WDPCP: variants seen among roughly 807,000 people sequenced by gnomAD.
WDPCP encodes the protein WD repeat-containing and planar cell polarity effector protein fritz homolog.
Under a neutral mutation model 93.1 loss-of-function variants are expected in WDPCP, and 71 were observed. The observed-to-expected ratio is 0.76, with a 90% CI of 0.63 to 0.93. The LOEUF (loss-of-function observed/expected upper bound fraction) is 0.93. Ranked by LOEUF, WDPCP falls within the 40% of genes least tolerant of loss-of-function variation. WDPCP has a pLI of 0.00. For synonymous variants in WDPCP, 315 were observed against 315.0 expected (o/e 1.00, Z 0.00); for missense variants, 844 against 887.4 (o/e 0.95, Z 0.62).
At chr2:63,200,647 AGAACCCAGAG>A (rs2104326216) in intron 14 of WDPCP, among the ~76,000 whole-genome samples, 1 of 152,300 alleles carries the variant, frequency 6.6e-6, no homozygotes, top group South Asian at 2.1e-4. Context: ...CAGAGAGAAT[AGAACCCAGAG>A]GAACCCAGAG....
intron 14 of WDPCP, among the ~76,000 whole-genome samples, chr2:63,258,294 A>C (rs1305092210): frequency 6.6e-6 from 1 of 152,166 alleles, no homozygotes; most frequent in East Asian, 1.9e-4. Flanking sequence ...ATCAATCTGG[A>C]ACTCTTTCAG....
chr2:63,675,595 TA>T (rs577443007), intron 2 of WDPCP, among the ~76,000 whole-genome samples: 14 of 152,204 alleles, frequency 9.2e-5, no homozygotes, highest in Non-Finnish European at 2.1e-4. Flanking sequence ...CAGTTTTATA[TA>T]AATTATGCTT....
intron 14 of WDPCP, among the ~76,000 whole-genome samples, chr2:63,255,427 G>A (rs1681054236): frequency 6.6e-6 from 1 of 152,184 alleles, no homozygotes; most frequent in Non-Finnish European, 1.5e-5. Flanking sequence ...CCTCATGGGA[G>A]GTGTTTGGGT....
chr2:63,178,496 C>G (rs928087192), intron 14 of WDPCP, among the ~76,000 whole-genome samples: 3 of 152,132 alleles, frequency 2.0e-5, no homozygotes, highest in African/African-American at 7.2e-5. Context: ...TGGCATATGA[C>G]TGTTTGTAAT....
chr2:63,198,337 A>G (rs148098537), intron 14 of WDPCP, among the ~76,000 whole-genome samples: 16 of 152,292 alleles, frequency 1.1e-4, no homozygotes, highest in Non-Finnish European at 1.5e-4. Flanking sequence ...TTAAATGTCT[A>G]TGGGGCTAGG....
chr2:63,124,735 C>G (rs1669774317), intron 17 of WDPCP, among the ~76,000 whole-genome samples: 1 of 152,162 alleles, frequency 6.6e-6, no homozygotes, highest in South Asian at 2.1e-4. Context: ...TGGAAGAAAT[C>G]TTAAAACTCC....
intron 2 of WDPCP, among the ~76,000 whole-genome samples, chr2:63,808,329 C>CCCTCTCT (rs1575778676): frequency 6.7e-6 from 1 of 148,188 alleles, no homozygotes; most frequent in East Asian, 2.1e-4. Context: ...CTCCCCTCTC[C>CCCTCTCT]CCTCTCCCCT....
chr2:63,839,731 T>A, the WDPCP span, among the ~76,000 whole-genome samples: 2 of 152,246 alleles, frequency 1.3e-5, no homozygotes, highest in Non-Finnish European at 2.9e-5. Flanking sequence ...TTGTACTGTA[T>A]ACAAAGGATG....
At chr2:63,719,280 T>A (rs890069534) in intron 2 of WDPCP, among the ~76,000 whole-genome samples, 1 of 152,232 alleles carries the variant, frequency 6.6e-6, no homozygotes, top group South Asian at 2.1e-4. Context: ...GTTATAGCCA[T>A]AGAGGATGGC....
At chr2:63,202,508 T>C (rs1675994799) in intron 14 of WDPCP, among the ~76,000 whole-genome samples, 1 of 152,172 alleles carries the variant, frequency 6.6e-6, no homozygotes, top group Non-Finnish European at 1.5e-5. Context: ...ATTTTCTATT[T>C]CCTCCATAAT....
chr2:63,599,352 T>G, intron 3 of WDPCP: 1 of 1,534,250 alleles, frequency 6.5e-7, no homozygotes, highest in East Asian at 2.4e-5. Context: ...TTTCTCTCAC[T>G]TTTAAAATAA....
chr2:63,702,294 G>C (rs1277708570), intron 2 of WDPCP, among the ~76,000 whole-genome samples: 1 of 152,102 alleles, frequency 6.6e-6, no homozygotes, highest in Non-Finnish European at 1.5e-5. Flanking sequence ...CCAAAGTGCT[G>C]GGATTACAGG....
chr2:63,771,683 T>C (rs1670228526), intron 2 of WDPCP, among the ~76,000 whole-genome samples: 1 of 151,960 alleles, frequency 6.6e-6, no homozygotes, highest in Admixed American at 6.6e-5. Flanking sequence ...TAGGTAGTTT[T>C]TCCTTGCCCC....
intron 2 of WDPCP, among the ~76,000 whole-genome samples, chr2:63,792,624 C>T (rs1158722172): frequency 6.6e-6 from 1 of 152,102 alleles, no homozygotes; most frequent in African/African-American, 2.4e-5. Context: ...AAAAGGTGCT[C>T]CTGGCAGAGC....
intron 1 of WDPCP, among the ~76,000 whole-genome samples, chr2:63,548,329 A>G (rs948818418): frequency 6.6e-6 from 1 of 152,184 alleles, no homozygotes; most frequent in African/African-American, 2.4e-5. Flanking sequence ...CAGTCAGTTT[A>G]TAATGACAGA....
At chr2:63,671,954 T>C (rs1249511024) in intron 2 of WDPCP, among the ~76,000 whole-genome samples, 2 of 152,136 alleles carry the variant, frequency 1.3e-5, no homozygotes, top group Admixed American at 1.3e-4. Flanking sequence ...GCTTTGTCAG[T>C]GGGCACTCTC....
At chr2:63,639,012 G>A (rs1265018358) in intron 3 of WDPCP, among the ~76,000 whole-genome samples, 1 of 152,170 alleles carries the variant, frequency 6.6e-6, no homozygotes, top group African/African-American at 2.4e-5. Flanking sequence ...CAGAAATTTG[G>A]CAACTTAGGT....
intron 3 of WDPCP, among the ~76,000 whole-genome samples, chr2:63,600,953 C>A (rs772276637): frequency 6.6e-6 from 1 of 152,168 alleles, no homozygotes; most frequent in Non-Finnish European, 1.5e-5. Flanking sequence ...TGTTGTTTCA[C>A]CTGAGGCTTT....
intron 12 of WDPCP, among the ~76,000 whole-genome samples, chr2:63,359,291 C>G (rs149828397): frequency 3.9e-5 from 6 of 152,262 alleles, no homozygotes; most frequent in African/African-American, 1.4e-4. Flanking sequence ...CCTTGCATTT[C>G]CAAGGAAAAA....
Sources: gnomAD v4.1 joint callset for allele counts (sites outside exome capture counted in the v4.1 genomes callset) on GRCh38, gnomAD v4.1.1 for gene constraint, MANE v1.5 for transcripts, NCBI Gene and HGNC (gene_info 2026-07-23, HGNC 2026-07-21) for gene names.